The following COL27A1 variants were observed in gnomAD, a reference collection of about 807,000 sequenced individuals.
COL27A1 encodes the protein collagen type XXVII alpha 1 chain.
Under a neutral mutation model 251.3 loss-of-function variants are expected in COL27A1, and 106 were observed. The observed-to-expected ratio is 0.42, with a 90% CI of 0.36 to 0.50. COL27A1 has a LOEUF of 0.50. COL27A1 is among the 20% of genes least tolerant of loss of function. The pLI is 0.00. For synonymous variants in COL27A1, 1,000 were observed against 986.3 expected (o/e 1.01, Z -0.26); for missense variants, 2,325 against 2,522.8 (o/e 0.92, Z 1.68).
Position 114,219,784 on chromosome 9 carries a change from C to T in COL27A1, c.2368-7C>T, listed in dbSNP as rs754888781. 6.2e-7 allele frequency: 1 copy of T among 1,600,790 alleles called. No individual in the cohort carries two copies. The highest frequency in any genetic ancestry group is 1.1e-5 in the South Asian group (1 of 90,786). On this transcript the variant is annotated splice_region_variant and splice_polypyrimidine_tract_variant and intron_variant, in intron 12 of 60. Transcript: ENST00000356083. ...TACAGATGTTTGTTCTCTCTCATGC[C>T]CTCCAGGGGTTTCCTGGAGTCTTTG... is the stretch of plus-strand genomic sequence containing the variant.
Position 114,169,026 on chromosome 9 carries a change from C to T in COL27A1, c.1471C>T (p.Pro491Ser). The change falls in exon 3 of 61, where the codon CCT becomes TCT. Residue 491 changes from proline (P) to serine (S), a missense_variant. Around this residue, in one of 4 missense-constraint regions of COL27A1, gnomAD observed 1,183 missense variants for 1,144.1 expected, o/e 1.03. Coordinates refer to ENST00000356083, the MANE Select transcript of COL27A1 (RefSeq NM_032888.4). The part of the protein sequence containing the change: ...PPPFTALSSS[P>S]APTPGSTRST... ...CCCATTTACTGCTTTATCCTCATCT[C>T]CTGCCCCTACTCCTGGTTCTACCAG... 1.2e-6 allele frequency: 2 copies of T among 1,614,134 alleles called. No homozygotes were observed. Among genetic ancestry groups the T allele is most frequent in the Non-Finnish European group, 1.7e-6 (2 of 1,180,010 alleles).
chr9:114,218,222 A>G (rs16927416), intron 12 of COL27A1: 14,055 of 178,784 alleles, frequency 0.079, 636 homozygotes, highest in East Asian at 0.13. Context: ...TGAGACTGGA[A>G]TTTACCAGGG....
intron 59 of COL27A1, 134 bp from the exon 60 acceptor site, chr9:114,309,126 T>G: frequency 2.6e-6 from 2 of 764,378 alleles, no homozygotes; most frequent in Non-Finnish European, 4.6e-6. Flanking sequence ...AGTGGGCACA[T>G]GTCTGGGAGC....
chr9:114,166,462 T>C (rs1337612880), intron 2 of COL27A1, among the ~76,000 whole-genome samples: 1 of 151,914 alleles, frequency 6.6e-6, no homozygotes, highest in East Asian at 1.9e-4. Flanking sequence ...CATCCATCCA[T>C]CCATCCATCC....
rs79011279 is a variant in COL27A1, at chr9:114,275,741, C to T, written c.3690C>T (p.Pro1230=). The T allele has an allele frequency of 8.8e-5, 136 of 1,548,754 alleles. 2 individuals carry two copies. The African/African-American group carries it at 1.3e-3, about 14-fold the overall frequency. Residue 1230 remains proline, a synonymous_variant, in exon 37 of 61, where the codon CCC becomes CCT. Transcript: ENST00000356083. The part of the protein sequence containing the change: ...QEGLMGEDGP[P]GPPGVTGVRG... Reference sequence around the variant, plus strand: ...GGCTGATGGGTGAGGACGGGCCCCCCGGCCCCCCTGGCGTCACTGGTGTCC... The same window carrying T: ...GGCTGATGGGTGAGGACGGGCCCCCTGGCCCCCCTGGCGTCACTGGTGTCC...
At chr9:114,203,637 C>T (rs1230062664) in intron 7 of COL27A1, among the ~76,000 whole-genome samples, 2 of 152,208 alleles carry the variant, frequency 1.3e-5, no homozygotes, top group African/African-American at 2.4e-5. Flanking sequence ...GCTCTTGAGA[C>T]ATGAATAGGT....
At chr9:114,223,162 C>A (rs1831232023) in intron 14 of COL27A1, among the ~76,000 whole-genome samples, 2 of 152,152 alleles carry the variant, frequency 1.3e-5, no homozygotes, top group South Asian at 2.1e-4. Context: ...GAGGTCAGAG[C>A]CTGGGAAATG....
intron 3 of COL27A1, among the ~76,000 whole-genome samples, chr9:114,174,614 A>G (rs1419896315): frequency 6.6e-6 from 1 of 152,176 alleles, no homozygotes; most frequent in Admixed American, 6.5e-5. Context: ...TTCCCAGGGC[A>G]CGGCACAGAT....
At chr9:114,217,903 C>T in intron 12 of COL27A1, 1 of 452,214 alleles carries the variant, frequency 2.2e-6, no homozygotes. Flanking sequence ...CGCTTGAGCC[C>T]AGGAGTTCGA....
At position 114,220,677 on chromosome 9, in the gene COL27A1, G is replaced by A. The variant is rs1369500814; in HGVS notation, c.2421+833G>A. Among the ~76,000 whole-genome samples the A allele has an allele frequency of 2.6e-5, 4 of 152,136 alleles. No individual in the cohort carries two copies. The South Asian group carries it at 8.3e-4, about 32-fold the overall frequency. The stretch of plus-strand genomic sequence containing the variant: ...CACCTCCCTGAATCTCAGTTTCCTT[G>A]TCTGCAAATTGGGGGGATCAGAATT... On this transcript the variant is annotated intron_variant, in intron 13 of 60. Transcript: ENST00000356083.
chr9:114,215,588 T>A (rs1365901548), intron 12 of COL27A1, among the ~76,000 whole-genome samples: 2 of 151,844 alleles, frequency 1.3e-5, no homozygotes. Context: ...AGTTCAGGGG[T>A]CTTTCCATGT....
intron 19 of COL27A1, among the ~76,000 whole-genome samples, chr9:114,238,641 A>G (rs1448410995): frequency 6.6e-6 from 1 of 152,210 alleles, no homozygotes; most frequent in Non-Finnish European, 1.5e-5. Flanking sequence ...TTTGGCCATG[A>G]CACAGTCCTA....
At chr9:114,264,009 G>A (rs762561770) in intron 28 of COL27A1, among the ~76,000 whole-genome samples, 8 of 152,210 alleles carry the variant, frequency 5.3e-5, no homozygotes, top group Non-Finnish European at 1.0e-4. Flanking sequence ...CCGTGTGGAC[G>A]TGGCCACGTG....
chr9:114,287,436 T>TG (rs1424274366), intron 41 of COL27A1, among the ~76,000 whole-genome samples: 3 of 152,160 alleles, frequency 2.0e-5, no homozygotes, highest in Non-Finnish European at 4.4e-5. Flanking sequence ...CGTCTACACC[T>TG]GTCCTGTGGG....
At chr9:114,194,605 G>GT (rs966810968) in intron 6 of COL27A1, 148 bp downstream of exon 6, 1 of 722,350 alleles carries the variant, frequency 1.4e-6, no homozygotes, top group Non-Finnish European at 2.3e-6. Context: ...GTATGGTTTG[G>GT]TTTTTTCCTT....
At chr9:114,220,483 G>C (rs983623328) in intron 13 of COL27A1, among the ~76,000 whole-genome samples, 5 of 152,166 alleles carry the variant, frequency 3.3e-5, no homozygotes, top group Non-Finnish European at 7.3e-5. Flanking sequence ...TGGCTGCTGC[G>C]TTCATAACCA....
chr9:114,264,666 C>G (rs1020558024), intron 29 of COL27A1, among the ~76,000 whole-genome samples: 2 of 152,152 alleles, frequency 1.3e-5, no homozygotes, highest in Non-Finnish European at 2.9e-5. Context: ...CAAACCCCAC[C>G]AGGCCCCTGA....
intron 5 of COL27A1, among the ~76,000 whole-genome samples, chr9:114,192,917 T>C (rs149582580): frequency 1.4e-3 from 212 of 152,240 alleles, no homozygotes; most frequent in African/African-American, 4.9e-3. Flanking sequence ...GGGAATTAAT[T>C]AAAGTTGCCC....
intron 18 of COL27A1, 77 bp from the exon 19 acceptor site, chr9:114,237,585 C>T: frequency 8.2e-7 from 1 of 1,223,746 alleles, no homozygotes; most frequent in South Asian, 1.2e-5. Flanking sequence ...CCATCCACAA[C>T]CAGCGGGGGA....
Sources: gnomAD v4.1 joint callset for allele counts (sites outside exome capture counted in the v4.1 genomes callset) on GRCh38, gnomAD v4.1.1 for gene constraint, gnomAD v4.1.1 regional missense constraint, MANE v1.5 for transcripts, NCBI Gene and HGNC (gene_info 2026-07-23, HGNC 2026-07-21) for gene names.